Variants in TRPC5 observed in about 807,000 individuals in gnomAD.
TRPC5 encodes transient receptor potential cation channel subfamily C member 5, also known as short transient receptor potential channel 5.
TRPC5 carries 9 observed loss-of-function variants against 56.5 expected under a neutral mutation model. The ratio of observed to expected loss-of-function variants is 0.16; its 90% CI spans 0.10 to 0.28. The LOEUF (loss-of-function observed/expected upper bound fraction) is 0.28. Among genes scored for constraint, TRPC5 ranks in the 10% least tolerant of loss-of-function variants. The pLI, the probability that TRPC5 is intolerant of heterozygous loss-of-function variation, is 1.00. For missense variants in TRPC5, 469 were observed against 748.9 expected, an observed-to-expected ratio of 0.63 and a Z score of 4.36; for synonymous variants, 282 against 278.5, an observed-to-expected ratio of 1.01 and a Z score of -0.13.
chrX:111,843,954 G>C (rs1922845639), intron 6 of TRPC5, among the ~76,000 whole-genome samples: 1 of 106,762 alleles, frequency 9.4e-6, no homozygotes, highest in Non-Finnish European at 1.9e-5. Context: ...GAGACAGAGA[G>C]AGAAAGAGAG....
At chrX:111,924,134 A>G (rs1926196973) in intron 2 of TRPC5, among the ~76,000 whole-genome samples, 1 of 111,955 alleles carries the variant, frequency 8.9e-6, no homozygotes, top group Non-Finnish European at 1.9e-5. Context: ...AGGGCTGAGA[A>G]CCCAGATATA....
At chrX:112,066,378 G>A (rs1374014265) in intron 1 of TRPC5, among the ~76,000 whole-genome samples, 1 of 111,965 alleles carries the variant, frequency 8.9e-6, no homozygotes, top group East Asian at 2.8e-4. Context: ...GGAATACGGT[G>A]TACGGTGGTG....
chrX:111,942,102 G>T (rs1167214972), intron 2 of TRPC5, among the ~76,000 whole-genome samples: 2 of 111,873 alleles, frequency 1.8e-5, no homozygotes, highest in Non-Finnish European at 3.8e-5. Flanking sequence ...GAATTCACCA[G>T]TCCCTTGCTA....
intron 1 of TRPC5, among the ~76,000 whole-genome samples, chrX:112,081,491 A>G (rs1930964808): frequency 9.0e-6 from 1 of 111,191 alleles, no homozygotes; most frequent in African/African-American, 3.3e-5. Context: ...CCTTGGTCCG[A>G]GGGCCACACT....
chrX:112,037,260 A>G (rs1441340315), intron 1 of TRPC5, among the ~76,000 whole-genome samples: 1 of 111,304 alleles, frequency 9.0e-6, no homozygotes, highest in Non-Finnish European at 1.9e-5. Context: ...ATCTTCTCTT[A>G]GACCCTACTT....
rs56898407 is a variant in TRPC5 at position 111,825,228 on chromosome X, TTC to T, written c.1896+9691_1896+9692del. On this transcript the variant is annotated intron_variant, in intron 7 of 10. Transcript: ENST00000262839. ...CTTTCTTTCTTTCTTTCTTCTTTCTTTCTCTCTCTCTCTCTCTCTCTCTCTCT... is the reference window on the plus strand; with the variant it reads ...CTTTCTTTCTTTCTTTCTTCTTTCTTTCTCTCTCTCTCTCTCTCTCTCTCT... 1.1e-3 allele frequency among the ~76,000 whole-genome samples: 87 copies of T among 76,008 alleles called. 1 individual carries two copies. Among genetic ancestry groups the T allele is most frequent in the African/African-American group, 3.0e-3 (46 of 15,389 alleles). 66.0% of individuals were successfully genotyped at this position (76,008 alleles called of 115,157 possible).
At chrX:111,921,900 CTGGA>C (rs1926136984) in intron 2 of TRPC5, among the ~76,000 whole-genome samples, 1 of 111,964 alleles carries the variant, frequency 8.9e-6, no homozygotes, top group Non-Finnish European at 1.9e-5. Context: ...AAGGATCCTT[CTGGA>C]TGAATGAGCA....
In TRPC5 at chrX:111,775,336, T is replaced by C. The variant is rs1945869041; in HGVS notation, c.*977A>G. The C allele has an allele frequency of 8.9e-6, 1 of 112,049 alleles. No homozygotes were observed. 9.2% of individuals were successfully genotyped at this position (112,049 alleles called of 1,213,427 possible). A position where few individuals can be genotyped will look rare whatever the true frequency, so the allele number is the denominator to read the frequency against. ...ATTTTGACACTTCAGCAATATGCCA[T>C]TTTTCTGATAAAAATATTTCAAATT... On this transcript the variant is annotated 3_prime_UTR_variant, in exon 11 of 11. Transcript: ENST00000262839.
intron 7 of TRPC5, among the ~76,000 whole-genome samples, chrX:111,788,200 A>AG (rs1422660881): frequency 1.8e-5 from 2 of 112,041 alleles, no homozygotes; most frequent in Non-Finnish European, 3.8e-5. Context: ...CAGCACATCA[A>AG]AAAGCTTATC....
chrX:111,906,363 A>AC (rs1255252719), intron 3 of TRPC5, among the ~76,000 whole-genome samples: 3 of 109,845 alleles, frequency 2.7e-5, no homozygotes, highest in East Asian at 2.9e-4. Flanking sequence ...TAAAAAAACA[A>AC]AAAACAAAAA....
chrX:111,893,098 G>C (rs1444218520), intron 3 of TRPC5, among the ~76,000 whole-genome samples: 4 of 99,218 alleles, frequency 4.0e-5, no homozygotes, highest in African/African-American at 1.2e-4. Flanking sequence ...TTTTTTTTCG[G>C]ATACCAGATC....
In TRPC5 at chrX:111,963,180, C is replaced by T. The variant is rs973454455; in HGVS notation, c.-21-10739G>A. ...AATGGCACACCAGGAGATTATATCC[C>T]GCACATGGCTCAGAGGGTCCTACGC... On this transcript the variant is annotated intron_variant, in intron 1 of 10. Transcript: ENST00000262839. Among the ~76,000 whole-genome samples the T allele has an allele frequency of 4.4e-5, 5 of 112,492 alleles. No individual in the cohort carries two copies. The East Asian group carries it at 8.4e-4, about 19-fold the overall frequency.
chrX:111,988,577 T>A (rs1455829124), intron 1 of TRPC5, among the ~76,000 whole-genome samples: 1 of 110,979 alleles, frequency 9.0e-6, no homozygotes, highest in Non-Finnish European at 1.9e-5. Context: ...AGTGAACATG[T>A]TATACCCTAA....
intron 3 of TRPC5, among the ~76,000 whole-genome samples, chrX:111,890,747 C>T (rs1228038891): frequency 9.0e-6 from 1 of 111,646 alleles, no homozygotes; most frequent in Non-Finnish European, 1.9e-5. Context: ...TTCAAGGGTA[C>T]AAGTGCAGGT....
chrX:111,910,244 AT>A (rs997185686), intron 3 of TRPC5, among the ~76,000 whole-genome samples: 45 of 111,864 alleles, frequency 4.0e-4, no homozygotes, highest in Non-Finnish European at 7.5e-4. Context: ...AATATCTGTG[AT>A]TTTTTTTCTC....
At chrX:111,999,086 C>CT (rs1042969608) in intron 1 of TRPC5, among the ~76,000 whole-genome samples, 1 of 111,225 alleles carries the variant, frequency 9.0e-6, no homozygotes, top group African/African-American at 3.3e-5. Flanking sequence ...AAAGCTCTCC[C>CT]TCCCCTTGTG....
At position 112,013,537 on chromosome X, in the gene TRPC5, A is replaced by G. The variant is rs374522434; in HGVS notation, c.-21-61096T>C. 5.6e-4 allele frequency among the ~76,000 whole-genome samples: 63 copies of G among 111,824 alleles called. 1 individual carries two copies. Among genetic ancestry groups the G allele is most frequent in the Admixed American group, 1.1e-3 (12 of 10,503 alleles). ...CTCCCTCCCTCATCTTATAGCTGAGAAAACTGAGGCTAAAATGGGAAGTGC... is the reference window on the plus strand; with the variant it reads ...CTCCCTCCCTCATCTTATAGCTGAGGAAACTGAGGCTAAAATGGGAAGTGC... On this transcript the variant is annotated intron_variant, in intron 1 of 10. Transcript: ENST00000262839.
intron 1 of TRPC5, among the ~76,000 whole-genome samples, chrX:112,013,441 C>T (rs757566314): frequency 2.7e-5 from 3 of 111,699 alleles, no homozygotes; most frequent in African/African-American, 6.5e-5. Context: ...CCTGAGCCAC[C>T]GTGCCTGGCT....
chrX:111,927,595 G>A (rs1926293635), intron 2 of TRPC5, among the ~76,000 whole-genome samples: 1 of 110,995 alleles, frequency 9.0e-6, no homozygotes, highest in Non-Finnish European at 1.9e-5. Flanking sequence ...GAGGACTGAA[G>A]GGCTACTCTG....
Sources: gnomAD v4.1 joint callset for allele counts (sites outside exome capture counted in the v4.1 genomes callset) on GRCh38, gnomAD v4.1.1 for gene constraint, MANE v1.5 for transcripts, NCBI Gene and HGNC (gene_info 2026-07-23, HGNC 2026-07-21) for gene names.